The following LRRC37A2 variants were observed in gnomAD, a reference collection of about 807,000 sequenced individuals.
LRRC37A2 encodes the protein leucine-rich repeat-containing protein 37A2.
Under a neutral mutation model 68.8 loss-of-function variants are expected in LRRC37A2, and 9 were observed. The observed-to-expected ratio is 0.13, with a 90% CI of 0.08 to 0.23. The LOEUF is 0.23. Ranked by LOEUF, LRRC37A2 falls within the 10% of genes least tolerant of loss-of-function variation. The probability of loss-of-function intolerance (pLI) is 1.00; values close to 1 mark genes in which losing one functional copy is unlikely to be tolerated. For missense variants in LRRC37A2, 168 were observed against 950.4 expected, an observed-to-expected ratio of 0.18 and a Z score of 10.82; for synonymous variants, 63 against 367.6, an observed-to-expected ratio of 0.17 and a Z score of 9.48.
At chr17:46,746,828 A>C in the LRRC37A2 span, among the ~76,000 whole-genome samples, 2 of 152,166 alleles carry the variant, frequency 1.3e-5, no homozygotes, top group Admixed American at 1.3e-4. Context: ...TAAAATGGGG[A>C]TAGTAGTAGT....
chr17:46,868,769 A>G, the LRRC37A2 span, among the ~76,000 whole-genome samples: 16 of 152,180 alleles, frequency 1.1e-4, no homozygotes, highest in Admixed American at 1.0e-3. Flanking sequence ...TGGTGTCTGC[A>G]GGGCTGGGAT....
downstream of LRRC37A2, chr17:46,558,833 ATT>A: frequency 1.2e-5 from 1 of 83,130 alleles, no homozygotes; most frequent in East Asian, 3.3e-4. Context: ...GACCTCTTTT[ATT>A]CTTTTTTTTT....
At chr17:46,901,803 A>ATTTTTTTTTTTTTTTTTT in the LRRC37A2 span, among the ~76,000 whole-genome samples, 1 of 128,210 alleles carries the variant, frequency 7.8e-6, no homozygotes, top group African/African-American at 3.3e-5. Flanking sequence ...TGGAGCAAGA[A>ATTTTTTTTTTTTTTTTTT]TTTTTTTTTT....
the LRRC37A2 span, among the ~76,000 whole-genome samples, chr17:46,989,796 G>T: frequency 6.6e-6 from 1 of 152,268 alleles, no homozygotes; most frequent in Non-Finnish European, 1.5e-5. Context: ...GCCCAAGCTG[G>T]CTATTTAGAG....
chr17:46,552,774 T>C (rs1346879844), intron 11 of LRRC37A2: 2 of 109,624 alleles, frequency 1.8e-5, no homozygotes, highest in African/African-American at 3.8e-5. Context: ...ACAATATGTA[T>C]ACATTTTATT....
the LRRC37A2 span, among the ~76,000 whole-genome samples, chr17:46,849,879 A>G: frequency 0.19 from 27,976 of 146,480 alleles, 3,338 homozygotes; most frequent in East Asian, 0.49. Flanking sequence ...ATGGAGTCCC[A>G]TTCTATTGCC....
the LRRC37A2 span, among the ~76,000 whole-genome samples, chr17:46,494,062 C>G: frequency 6.7e-6 from 1 of 149,428 alleles, no homozygotes; most frequent in African/African-American, 2.5e-5. Flanking sequence ...CCAGGCTGGT[C>G]TTGAACTCCT....
At chr17:46,755,184 C>T in the LRRC37A2 span, 1 of 675,764 alleles carries the variant, frequency 1.5e-6, no homozygotes, top group South Asian at 1.7e-5. Flanking sequence ...GGTCAAGGAG[C>T]AGGTAACACA....
At chr17:46,827,573 G>A in the LRRC37A2 span, among the ~76,000 whole-genome samples, 2 of 152,044 alleles carry the variant, frequency 1.3e-5, no homozygotes, top group Admixed American at 1.3e-4. Context: ...GTCCTGCTTT[G>A]GAACTTCTTG....
the LRRC37A2 span, among the ~76,000 whole-genome samples, chr17:46,779,053 T>TCACACACACA: frequency 0.096 from 9,682 of 100,378 alleles, 686 homozygotes; most frequent in Non-Finnish European, 0.1. Flanking sequence ...CCCTACCCCA[T>TCACACACACA]CACACACACA....
chr17:46,755,412 A>G, the LRRC37A2 span: 1 of 1,462,548 alleles, frequency 6.8e-7, no homozygotes, highest in Non-Finnish European at 9.6e-7. Flanking sequence ...CAAACTTACC[A>G]CCCTGTTAAA....
At chr17:46,490,680 T>C in the LRRC37A2 span, among the ~76,000 whole-genome samples, 1 of 147,326 alleles carries the variant, frequency 6.8e-6, no homozygotes, top group East Asian at 2.0e-4. Flanking sequence ...GCCGATATCA[T>C]GCCACTGCAC....
chr17:46,950,168 T>G, the LRRC37A2 span, among the ~76,000 whole-genome samples: 1 of 152,226 alleles, frequency 6.6e-6, no homozygotes, highest in Non-Finnish European at 1.5e-5. Context: ...TTTTTCAATG[T>G]CTCTGCAAGA....
the LRRC37A2 span, among the ~76,000 whole-genome samples, chr17:46,889,335 G>A: frequency 2.6e-5 from 4 of 152,088 alleles, no homozygotes; most frequent in Non-Finnish European, 4.4e-5. Flanking sequence ...TGGGCGTGGC[G>A]GGGGTGGCTC....
chr17:46,568,421 C>A, the LRRC37A2 span, among the ~76,000 whole-genome samples: 1 of 125,042 alleles, frequency 8.0e-6, no homozygotes, highest in African/African-American at 3.2e-5. Flanking sequence ...CACAGGAAAT[C>A]CACAGATAGC....
the LRRC37A2 span, among the ~76,000 whole-genome samples, chr17:46,979,665 T>C: frequency 6.6e-6 from 1 of 152,206 alleles, no homozygotes; most frequent in Non-Finnish European, 1.5e-5. Flanking sequence ...TGGGCGGTCC[T>C]GCCTCACAGC....
chr17:47,002,953 G>T, the LRRC37A2 span, among the ~76,000 whole-genome samples: 1 of 152,074 alleles, frequency 6.6e-6, no homozygotes, highest in Non-Finnish European at 1.5e-5. Flanking sequence ...GACGAGTTCT[G>T]TATAAAAGCT....
the LRRC37A2 span, among the ~76,000 whole-genome samples, chr17:46,970,991 T>A: frequency 2.0e-5 from 3 of 152,370 alleles, no homozygotes; most frequent in African/African-American, 7.2e-5. Flanking sequence ...GTTGCAGGAA[T>A]GTGGCTACTG....
At chr17:46,859,630 T>C in the LRRC37A2 span, among the ~76,000 whole-genome samples, 3 of 152,216 alleles carry the variant, frequency 2.0e-5, no homozygotes, top group African/African-American at 7.2e-5. Flanking sequence ...GTACTATAAG[T>C]TCTCTAACTG....
Sources: allele counts gnomAD v4.1 joint callset (sites outside exome capture counted in the v4.1 genomes callset), GRCh38; gene constraint gnomAD v4.1.1; transcripts MANE v1.5; gene names NCBI Gene and HGNC (gene_info 2026-07-23, HGNC 2026-07-21).